GLUD1: variants seen among roughly 807,000 people sequenced by gnomAD.
The protein encoded by GLUD1 is glutamate dehydrogenase 1.
A neutral mutation model predicts 56.0 loss-of-function variants in GLUD1; 22 were observed. That is an observed-to-expected ratio of 0.39 (90% CI 0.28 to 0.56). The LOEUF (loss-of-function observed/expected upper bound fraction) is 0.56. Among genes scored for constraint, GLUD1 ranks in the 20% least tolerant of loss-of-function variants. The pLI is 0.58. For missense variants in GLUD1, 451 were observed against 732.0 expected, an observed-to-expected ratio of 0.62 and a Z score of 4.43; for synonymous variants, 223 against 269.9, an observed-to-expected ratio of 0.83 and a Z score of 1.70.
At chr10:87,067,570 A>G (rs1283417782) in intron 5 of GLUD1, among the ~76,000 whole-genome samples, 1 of 152,210 alleles carries the variant, frequency 6.6e-6, no homozygotes, top group Non-Finnish European at 1.5e-5. Flanking sequence ...CCTTACCTTC[A>G]GACAAACTGA....
intron 1 of GLUD1, among the ~76,000 whole-genome samples, chr10:87,088,171 G>GT (rs994726486): frequency 2.8e-5 from 4 of 144,138 alleles, no homozygotes; most frequent in East Asian, 3.1e-4. Flanking sequence ...GATTTACTTT[G>GT]TTTTGTTTTT....
rs773833824 is a variant in GLUD1 at position 87,060,161 on chromosome 10, T to C, written c.1278A>G (p.Pro426=). ...AGCCTAATAAATATAGATGACTTAC[T>C]GGAATAACCATAATGTTTCTCTCCA... The part of the protein sequence containing the change: ...IFLERNIMVI[P]DLYLNAGGVT... Residue 426 remains proline, a splice_region_variant and synonymous_variant, in exon 9 of 13, where the codon CCA becomes CCG. Coordinates refer to ENST00000277865, the MANE Select transcript of GLUD1 (RefSeq NM_005271.5). 2 of 1,579,016 alleles carry C rather than the reference T, an allele frequency of 1.3e-6. No homozygotes were observed. Among genetic ancestry groups the C allele is most frequent in the Non-Finnish European group, 1.7e-6 (2 of 1,147,898 alleles).
intron 4 of GLUD1, among the ~76,000 whole-genome samples, chr10:87,072,276 G>A (rs1564772422): frequency 1.1e-4 from 16 of 152,100 alleles, no homozygotes; most frequent in Admixed American, 1.0e-3. Flanking sequence ...GGAGGGTGGG[G>A]AAGATGGCAA....
intron 12 of GLUD1, 54 bp downstream of exon 12, chr10:87,053,288 T>C (rs1443033351): frequency 5.2e-6 from 6 of 1,145,828 alleles, no homozygotes; most frequent in Admixed American, 5.1e-5. Context: ...GATAGCATGG[T>C]TGAGTTGCAC....
At chr10:87,086,442 C>T (rs1415050621) in intron 1 of GLUD1, among the ~76,000 whole-genome samples, 1 of 152,162 alleles carries the variant, frequency 6.6e-6, no homozygotes, top group East Asian at 1.9e-4. Context: ...TCATTCTCTG[C>T]TATTAACTAT....
intron 2 of GLUD1, 148 bp downstream of exon 2, chr10:87,076,428 A>T (rs920788592): frequency 1.5e-6 from 1 of 682,670 alleles, no homozygotes; most frequent in Non-Finnish European, 2.7e-6. Context: ...ATTTAGACTA[A>T]TTGAAAAATG....
chr10:87,092,377 C>A (rs1272198094), intron 1 of GLUD1, among the ~76,000 whole-genome samples: 2 of 152,178 alleles, frequency 1.3e-5, no homozygotes, highest in African/African-American at 2.4e-5. Flanking sequence ...TTACTAGTAA[C>A]AATTCAGTTT....
chr10:87,070,687 G>A (rs1232059636), intron 4 of GLUD1, among the ~76,000 whole-genome samples: 9 of 152,016 alleles, frequency 5.9e-5, no homozygotes, highest in Non-Finnish European at 1.3e-4. Flanking sequence ...TCAGAAACAC[G>A]TAATGATAAA....
At chr10:87,091,641 C>T (rs1286564704) in intron 1 of GLUD1, 2 of 887,764 alleles carry the variant, frequency 2.3e-6, no homozygotes, top group Non-Finnish European at 2.7e-6. Context: ...AAGAAAAGCA[C>T]AAAAACAGTG....
intron 6 of GLUD1, 46 bp downstream of exon 6, chr10:87,062,610 A>G: frequency 7.6e-7 from 1 of 1,314,160 alleles, no homozygotes; most frequent in Non-Finnish European, 1.1e-6. Flanking sequence ...AACTTTACTT[A>G]ATGTCTATCA....
At chr10:87,079,985 CGAGCGGAAGCTG>C (rs932028714) in intron 1 of GLUD1, among the ~76,000 whole-genome samples, 4 of 145,854 alleles carry the variant, frequency 2.7e-5, no homozygotes, top group Admixed American at 6.9e-5. Flanking sequence ...CCTCTGATGC[CGAGCGGAAGCTG>C]GACTGTACTG....
intron 1 of GLUD1, among the ~76,000 whole-genome samples, chr10:87,086,954 A>G (rs1454090226): frequency 6.6e-6 from 1 of 152,148 alleles, no homozygotes; most frequent in African/African-American, 2.4e-5. Context: ...GGTGTCCTGC[A>G]ATTCAGTTAT....
At chr10:87,089,819 ATAAC>A in intron 1 of GLUD1, 2 of 575,322 alleles carry the variant, frequency 3.5e-6, no homozygotes, top group Non-Finnish European at 4.4e-6. Context: ...ATTCATTTGA[ATAAC>A]TAGTCAGTTT....
At position 87,094,516 on chromosome 10, in the gene GLUD1, A is replaced by T. The variant is rs1451252342; in HGVS notation, c.254T>A (p.Leu85Gln). The change falls in exon 1 of 13, where the codon CTG becomes CAG. Residue 85 changes from leucine to glutamine, a missense_variant. By Grantham distance (113) the Leu-to-Gln change is moderately radical. Coordinates refer to ENST00000277865, the MANE Select transcript of GLUD1 (RefSeq NM_005271.5). This position sits in a 1 kb window ranked among gnomAD's most constrained non-coding sequence, Gnocchi z 6.6. The stretch of plus-strand genomic sequence containing the variant: ...CTCCCGGGTCCTCAGGTCCTCCACC[A>T]GCTTGTCCTCCACGATGCTGGCGCC... ...DRGASIVEDK[L>Q]VEDLRTRESE... 1 of 1,613,170 alleles carries T rather than the reference A, an allele frequency of 6.2e-7. No homozygotes were observed. Among genetic ancestry groups the T allele is most frequent in the Admixed American group, 1.7e-5 (1 of 60,032 alleles).
In GLUD1 at chr10:87,094,506, G is replaced by A; in HGVS notation, c.264C>T (p.Asp88=). 1.9e-6 allele frequency: 3 copies of A among 1,613,392 alleles called. No individual in the cohort carries two copies. Among genetic ancestry groups the A allele is most frequent in the South Asian group, 1.1e-5 (1 of 91,048 alleles). The part of the protein sequence containing the change: ...ASIVEDKLVE[D]LRTRESEEQK... ...GCTCCTCGCTCTCCCGGGTCCTCAG[G>A]TCCTCCACCAGCTTGTCCTCCACGA... The change falls in exon 1 of 13, where the codon GAC becomes GAT. Residue 88 remains aspartate, a synonymous_variant. Coordinates refer to ENST00000277865, the MANE Select transcript of GLUD1 (RefSeq NM_005271.5). This position sits in a 1 kb window ranked among gnomAD's most constrained non-coding sequence, Gnocchi z 6.6.
chr10:87,085,667 T>G (rs1841365430), intron 1 of GLUD1, among the ~76,000 whole-genome samples: 1 of 152,234 alleles, frequency 6.6e-6, no homozygotes, highest in South Asian at 2.1e-4. Flanking sequence ...AAGACTCCCT[T>G]GACTTCCACT....
chr10:87,092,956 T>C (rs1021893492), intron 1 of GLUD1, among the ~76,000 whole-genome samples: 1 of 152,200 alleles, frequency 6.6e-6, no homozygotes, highest in African/African-American at 2.4e-5. Context: ...GTGTACATTT[T>C]ATACAATTTT....
chr10:87,080,550 C>G (rs537943020), intron 1 of GLUD1, among the ~76,000 whole-genome samples: 1 of 151,922 alleles, frequency 6.6e-6, no homozygotes, highest in Non-Finnish European at 1.5e-5. Flanking sequence ...TCTGCCCGGC[C>G]GCCCATCGTC....
intron 3 of GLUD1, among the ~76,000 whole-genome samples, chr10:87,075,189 T>C (rs973913618): frequency 6.6e-6 from 1 of 152,178 alleles, no homozygotes; most frequent in Non-Finnish European, 1.5e-5. Flanking sequence ...AACCTCTGCC[T>C]CCTGGGTTCA....
Sources: allele counts gnomAD v4.1 joint callset (sites outside exome capture counted in the v4.1 genomes callset), GRCh38; gene constraint gnomAD v4.1.1; non-coding constraint Gnocchi (gnomAD v3.1); transcripts MANE v1.5; gene names NCBI Gene and HGNC (gene_info 2026-07-23, HGNC 2026-07-21).